ZNF100: variants seen among roughly 807,000 people sequenced by gnomAD.
ZNF100 encodes the protein zinc finger protein 100 (Y1).
A neutral mutation model predicts 15.8 loss-of-function variants in ZNF100; 12 were observed. That is an observed-to-expected ratio of 0.76 (90% CI 0.49 to 1.23). ZNF100 has a LOEUF of 1.23. Among genes scored for constraint, ZNF100 ranks in the 50% most tolerant of loss-of-function variants. The pLI is 0.00. For missense variants in ZNF100, 670 were observed against 635.6 expected (o/e 1.05, Z -0.58); for synonymous variants, 226 against 214.8 (o/e 1.05, Z -0.45).
chr19:21,739,618 A>C (rs575729952), intron 4 of ZNF100, among the ~76,000 whole-genome samples: 1 of 152,322 alleles, frequency 6.6e-6, no homozygotes, highest in African/African-American at 2.4e-5. Context: ...TATCTGACCA[A>C]AACTGAATAA....
chr19:21,762,489 C>T (rs1016509314), intron 2 of ZNF100, among the ~76,000 whole-genome samples: 3 of 152,126 alleles, frequency 2.0e-5, no homozygotes, highest in Non-Finnish European at 4.4e-5. Flanking sequence ...AAAGTGAACA[C>T]TTATTAATCT....
chr19:21,747,874 A>G (rs899659509), intron 2 of ZNF100, among the ~76,000 whole-genome samples: 5 of 152,226 alleles, frequency 3.3e-5, no homozygotes, highest in Non-Finnish European at 7.3e-5. Context: ...TTTAATCCCC[A>G]TAACACATTG....
intron 4 of ZNF100, 113 bp from the exon 5 acceptor site, chr19:21,728,102 G>T: frequency 2.0e-6 from 2 of 1,012,952 alleles, no homozygotes; most frequent in South Asian, 3.5e-5. Flanking sequence ...AATACCAAAG[G>T]CCCTCATTCC....
intron 2 of ZNF100, chr19:21,750,371 CA>C (rs2036281388): frequency 6.6e-6 from 1 of 152,006 alleles, no homozygotes; most frequent in South Asian, 2.1e-4. Context: ...ATTCTGATAC[CA>C]AAACTGGGAA....
intron 4 of ZNF100, among the ~76,000 whole-genome samples, chr19:21,742,220 C>A (rs961150337): frequency 2.6e-5 from 4 of 151,298 alleles, no homozygotes; most frequent in African/African-American, 9.7e-5. Context: ...TTGCTTGAAC[C>A]CAGGAGGTGG....
Position 21,751,825 on chromosome 19 carries a change from T to A in ZNF100, c.97-6758A>T. On this transcript the variant is annotated intron_variant, in intron 2 of 4. Transcript: ENST00000358296. The stretch of plus-strand genomic sequence containing the variant: ...ACCTAGAGGCTATTTCTAGATTATG[T>A]GAAGACAAAGACTTGTGTGGAGCAG... 2.1e-6 allele frequency: 2 copies of A among 959,174 alleles called. 1 individual carries two copies. The highest frequency in any genetic ancestry group is 3.2e-6 in the Non-Finnish European group (2 of 627,358). The allele number at this position is 959,174 out of a possible 1,614,324, so 59.4% of individuals were successfully genotyped here.
chr19:21,758,834 C>G (rs1278711577), intron 2 of ZNF100, among the ~76,000 whole-genome samples: 1 of 152,098 alleles, frequency 6.6e-6, no homozygotes, highest in Non-Finnish European at 1.5e-5. Context: ...AAGTTTTCAT[C>G]CTCTCTTACC....
intron 4 of ZNF100, among the ~76,000 whole-genome samples, chr19:21,729,972 T>C (rs1191784213): frequency 2.0e-5 from 3 of 151,858 alleles, no homozygotes; most frequent in Non-Finnish European, 2.9e-5. Flanking sequence ...CATGTGTGTA[T>C]AGATACACAA....
chr19:21,757,690 A>C (rs1443353155), intron 2 of ZNF100, among the ~76,000 whole-genome samples: 1 of 152,190 alleles, frequency 6.6e-6, no homozygotes, highest in Non-Finnish European at 1.5e-5. Flanking sequence ...GTTTACAATA[A>C]CAAAGACATG....
At chr19:21,754,655 A>G (rs1292888579) in intron 2 of ZNF100, among the ~76,000 whole-genome samples, 1 of 152,222 alleles carries the variant, frequency 6.6e-6, no homozygotes, top group African/African-American at 2.4e-5. Context: ...AAAGTAACTC[A>G]AGATGGGTTA....
At position 21,744,971 on chromosome 19, in the gene ZNF100, A is replaced by C. The variant is rs767823595; in HGVS notation, c.193T>G (p.Leu65Val). 18 of 1,610,590 alleles carry C rather than the reference A, an allele frequency of 1.1e-5. No individual in the cohort carries two copies. The highest frequency in any genetic ancestry group is 1.5e-5 in the Non-Finnish European group (18 of 1,179,352). ...AQQGLYRKVM[L>V]ENYRNLVFLA... Reference sequence around the variant, plus strand: ...AAGACCAGGTTTCTGTAGTTCTCTAACATCACTTTCCTATACAAACCCTGC... The same window carrying C: ...AAGACCAGGTTTCTGTAGTTCTCTACCATCACTTTCCTATACAAACCCTGC... The change falls in exon 3 of 5, where the codon TTA (leucine) becomes GTA (valine). Residue 65 changes from leucine to valine, a missense_variant. By Grantham distance (32) the Leu-to-Val change is conservative. Transcript: ENST00000358296.
At chr19:21,765,373 C>A (rs961397983) in intron 2 of ZNF100, among the ~76,000 whole-genome samples, 5 of 152,188 alleles carry the variant, frequency 3.3e-5, no homozygotes, top group Non-Finnish European at 7.3e-5. Context: ...GAACCACCCA[C>A]TCAGAAGACA....
intron 2 of ZNF100, chr19:21,752,020 T>C: frequency 3.2e-6 from 1 of 310,342 alleles, no homozygotes; most frequent in East Asian, 6.0e-5. Context: ...AGTGTTTTCA[T>C]CAAAAGGAAA....
At chr19:21,750,805 A>C in intron 2 of ZNF100, 1 of 417,900 alleles carries the variant, frequency 2.4e-6, no homozygotes, top group Non-Finnish European at 4.2e-6. Flanking sequence ...GTAGGGGGCT[A>C]GAGAAGGCGC....
intron 2 of ZNF100, chr19:21,752,731 G>C (rs1035595993): frequency 2.0e-5 from 3 of 152,196 alleles, no homozygotes; most frequent in African/African-American, 7.2e-5. Context: ...TGAAAAAAAA[G>C]TAAAGCAGTT....
In ZNF100 at chr19:21,724,151, A is replaced by G. The variant is rs1453117618; in HGVS notation, c.*2532T>C. 1.3e-5 allele frequency: 2 copies of G among 152,212 alleles called. No homozygotes were observed. The highest frequency in any genetic ancestry group is 1.3e-4 in the Admixed American group (2 of 15,288). 9.4% of individuals were successfully genotyped at this position (152,212 alleles called of 1,614,324 possible). A position where few individuals can be genotyped will look rare whatever the true frequency, so the allele number is the denominator to read the frequency against. ...AATTTTCATGGGGAGATTCAGAACT[A>G]TAAGCCACAGAATGTACAGTAATAA... On this transcript the variant is annotated 3_prime_UTR_variant, in exon 5 of 5. Coordinates refer to ENST00000358296, the MANE Select transcript of ZNF100 (RefSeq NM_173531.4).
At chr19:21,730,469 T>TGTGTGC (rs2035896484) in intron 4 of ZNF100, among the ~76,000 whole-genome samples, 1 of 152,038 alleles carries the variant, frequency 6.6e-6, no homozygotes, top group Admixed American at 6.6e-5. Context: ...TGTGTGTGTG[T>TGTGTGC]GTGTGTGTGT....
At chr19:21,750,718 C>T (rs990034800) in intron 2 of ZNF100, 5 of 288,242 alleles carry the variant, frequency 1.7e-5, no homozygotes, top group Admixed American at 5.0e-5. Flanking sequence ...GAACTGCCAG[C>T]GAGGAGGCAC....
chr19:21,750,806 G>A (rs1049342015), intron 2 of ZNF100: 6 of 423,920 alleles, frequency 1.4e-5, no homozygotes, highest in Non-Finnish European at 2.5e-5. Flanking sequence ...TAGGGGGCTA[G>A]AGAAGGCGCC....
Sources: allele counts gnomAD v4.1 joint callset (sites outside exome capture counted in the v4.1 genomes callset), GRCh38; gene constraint gnomAD v4.1.1; transcripts MANE v1.5; gene names NCBI Gene and HGNC (gene_info 2026-07-23, HGNC 2026-07-21).